MYOF: variants seen among roughly 807,000 people sequenced by gnomAD.
The protein encoded by MYOF is myoferlin, also known as fer-1-like 3, myoferlin.
MYOF carries 244 observed loss-of-function variants against 284.2 expected under a neutral mutation model. That is an observed-to-expected ratio of 0.86 (90% CI 0.77 to 0.95). The LOEUF (loss-of-function observed/expected upper bound fraction) is 0.95, where lower values mean the gene tolerates loss of function less well. MYOF is among the 40% of genes least tolerant of loss of function. MYOF has a pLI of 0.00. For synonymous variants in MYOF, 904 were observed against 919.7 expected (o/e 0.98, Z 0.31); for missense variants, 2,496 against 2,560.6 (o/e 0.97, Z 0.54).
At chr10:93,375,000 C>T (rs959619138) in intron 22 of MYOF, 45 bp from the exon 23 acceptor site, 1 of 1,566,580 alleles carries the variant, frequency 6.4e-7, no homozygotes, top group Non-Finnish European at 8.7e-7. Context: ...TGAAGAATAA[C>T]CTAATTTTAG....
chr10:93,361,420 G>T, intron 28 of MYOF, 32 bp downstream of exon 28: 1 of 1,601,092 alleles, frequency 6.2e-7, no homozygotes, highest in Non-Finnish European at 8.6e-7. Flanking sequence ...CTGCTGCAGA[G>T]CCCCAATCAG....
intron 38 of MYOF, among the ~76,000 whole-genome samples, chr10:93,342,134 T>A (rs534791973): frequency 2.0e-5 from 3 of 152,288 alleles, no homozygotes; most frequent in Admixed American, 2.0e-4. Flanking sequence ...ATGCCATGAG[T>A]TTCCGGAGTG....
chr10:93,359,840 G>C lies in MYOF; in HGVS notation c.3113C>G (p.Thr1038Ser), dbSNP rs1394366928. 1 of 1,614,190 alleles carries C rather than the reference G, an allele frequency of 6.2e-7. No homozygotes were observed. The highest frequency in any genetic ancestry group is 1.7e-5 in the Admixed American group (1 of 60,026). ...KKDLTQTASS[T>S]ARAMEELQDQ... is the part of the protein sequence containing the mutation. The stretch of plus-strand genomic sequence containing the variant: ...TTCCCTTGCTTCTCTTACCCTTGCG[G>C]TGCTTGAAGCAGTCTGTGTTAAATC... The change falls in exon 29 of 54, where the codon ACC (threonine) becomes AGC (serine). Residue 1038 changes from threonine (T) to serine (S), a missense_variant. Physicochemically the swap from Thr to Ser is moderately conservative, Grantham distance 58. Coordinates refer to ENST00000359263, the MANE Select transcript of MYOF (RefSeq NM_013451.4).
At chr10:93,458,614 C>T (rs1041778515) in intron 1 of MYOF, among the ~76,000 whole-genome samples, 1 of 152,082 alleles carries the variant, frequency 6.6e-6, no homozygotes, top group Non-Finnish European at 1.5e-5. Context: ...CCTATTATCC[C>T]AGCTACTCGG....
intron 24 of MYOF, 52 bp downstream of exon 24, chr10:93,372,878 A>G: frequency 6.3e-7 from 1 of 1,599,990 alleles, no homozygotes; most frequent in Non-Finnish European, 8.6e-7. Context: ...CCTTCTCAGG[A>G]ATACAGCTTT....
Position 93,431,505 on chromosome 10 carries a change from G to A in MYOF, c.248C>T (p.Thr83Met), listed in dbSNP as rs767261489. Reference sequence around the variant, plus strand: ...CAGGTCCTTCAGGGCTACAGTCGCCGTGCCAATTAATCTGCAGGGAAAACA... The same window carrying A: ...CAGGTCCTTCAGGGCTACAGTCGCCATGCCAATTAATCTGCAGGGAAAACA... ...ETIGQNKLIG[T>M]ATVALKDLTG... The change falls in exon 4 of 54, where the codon ACG becomes ATG. Residue 83 changes from threonine to methionine, a missense_variant. Coordinates refer to ENST00000359263, the MANE Select transcript of MYOF (RefSeq NM_013451.4). 1.9e-5 allele frequency: 30 copies of A among 1,613,448 alleles called. No individual in the cohort carries two copies. Among genetic ancestry groups the A allele is most frequent in the Middle Eastern group, 1.6e-4 (1 of 6,084 alleles).
At chr10:93,355,431 A>T (rs1406316626) in intron 31 of MYOF, among the ~76,000 whole-genome samples, 197 bp downstream of exon 31, 6 of 152,074 alleles carry the variant, frequency 3.9e-5, no homozygotes, top group Non-Finnish European at 8.8e-5. Context: ...GCAAAAATAC[A>T]AAAAATTAGC....
intron 1 of MYOF, among the ~76,000 whole-genome samples, chr10:93,466,550 G>A (rs1416130922): frequency 2.0e-5 from 3 of 152,220 alleles, no homozygotes; most frequent in South Asian, 2.1e-4. Context: ...TGATGCTGGG[G>A]CGTGGTCATG....
rs2134064447 is a variant in MYOF, at chr10:93,396,179, G to C, written c.1380C>G (p.His460Gln). ...KNDVVGTTYL[H>Q]LSKIAASGGE... The stretch of plus-strand genomic sequence containing the variant: ...CACCAGAGGCAGCAATTTTAGAGAG[G>C]TGTAGATATGTTGTTCCAACTACAT... The change falls in exon 16 of 54, where the codon CAC becomes CAG. Residue 460 changes from histidine to glutamine, a missense_variant. Physicochemically the swap from His to Gln is conservative, Grantham distance 24. Coordinates refer to ENST00000359263, the MANE Select transcript of MYOF (RefSeq NM_013451.4). 1.9e-6 allele frequency: 3 copies of C among 1,609,210 alleles called. No individual in the cohort carries two copies. The highest frequency in any genetic ancestry group is 1.1e-5 in the South Asian group (1 of 90,114).
intron 28 of MYOF, among the ~76,000 whole-genome samples, chr10:93,360,795 G>T (rs1377698502): frequency 1.3e-5 from 2 of 152,204 alleles, no homozygotes; most frequent in Non-Finnish European, 2.9e-5. Flanking sequence ...GGCCCTGAAT[G>T]TGATGTTCCC....
At position 93,333,275 on chromosome 10, in the gene MYOF, ACTT is replaced by A; in HGVS notation, c.4754_4756del (p.Lys1585_Val1586delinsIle). On this transcript the variant is annotated inframe_deletion, in exon 43 of 54. Coordinates refer to ENST00000359263, the MANE Select transcript of MYOF (RefSeq NM_013451.4). ...AATGTAGTGATCTCGGTCTTCAATGACTTTTTTGCCCAGTGTTATTTTTATGTA... is the reference window on the plus strand; with the variant it reads ...AATGTAGTGATCTCGGTCTTCAATGATTTTGCCCAGTGTTATTTTTATGTA... The A allele has an allele frequency of 6.2e-7, 1 of 1,613,558 alleles. No homozygotes were observed. Among genetic ancestry groups the A allele is most frequent in the Non-Finnish European group, 8.5e-7 (1 of 1,179,820 alleles).
chr10:93,428,607 AC>A (rs1472779288), intron 4 of MYOF, among the ~76,000 whole-genome samples: 16 of 126,828 alleles, frequency 1.3e-4, no homozygotes, highest in African/African-American at 4.5e-4. Flanking sequence ...ACACACACAC[AC>A]ACAGTGCATT....
intron 46 of MYOF, among the ~76,000 whole-genome samples, chr10:93,325,068 G>A (rs1380232521): frequency 6.6e-6 from 1 of 152,126 alleles, no homozygotes; most frequent in Non-Finnish European, 1.5e-5. Context: ...ATAAGCCACC[G>A]CACCCGGCCT....
intron 16 of MYOF, among the ~76,000 whole-genome samples, chr10:93,395,875 A>T (rs1395974335): frequency 1.3e-5 from 2 of 151,226 alleles, no homozygotes; most frequent in Non-Finnish European, 2.9e-5. Context: ...AAAGCTGAAA[A>T]TCTTCAAACT....
intron 11 of MYOF, 31 bp from the exon 12 acceptor site, chr10:93,401,575 T>C (rs1289843558): frequency 4.4e-6 from 7 of 1,607,638 alleles, no homozygotes; most frequent in Admixed American, 1.7e-5. Flanking sequence ...AAATTATACA[T>C]ACAGAAAAGC....
At chr10:93,450,820 C>A (rs1213445782) in intron 3 of MYOF, among the ~76,000 whole-genome samples, 2 of 151,946 alleles carry the variant, frequency 1.3e-5, no homozygotes, top group African/African-American at 4.9e-5. Flanking sequence ...ATGCTTCTTA[C>A]AATTGATGGG....
chr10:93,330,854 C>G (rs550725542), intron 43 of MYOF, among the ~76,000 whole-genome samples: 3 of 152,300 alleles, frequency 2.0e-5, no homozygotes, highest in South Asian at 4.1e-4. Context: ...GAGCAGAAAA[C>G]AGATGTGAGA....
In MYOF at chr10:93,423,758, T is replaced by G. The variant is rs534369068; in HGVS notation, c.433+2313A>C. On this transcript the variant is annotated intron_variant, in intron 5 of 53. Coordinates refer to ENST00000359263, the MANE Select transcript of MYOF (RefSeq NM_013451.4). ...TGAGGCAGAAGAATGGCGTGAACCC[T>G]GGAGGCGGAGCTTGCAGTGAGCCGA... is the stretch of plus-strand genomic sequence containing the variant. Among the ~76,000 whole-genome samples the G allele has an allele frequency of 8.7e-5, 13 of 149,952 alleles. 1 individual carries two copies. The highest frequency in any genetic ancestry group is 2.1e-4 in the South Asian group (1 of 4,746).
At chr10:93,341,801 T>A in intron 38 of MYOF, 2 of 618,952 alleles carry the variant, frequency 3.2e-6, no homozygotes, top group Non-Finnish European at 4.8e-6. Flanking sequence ...TGTTTAAAGA[T>A]CACTTTTCAC....
Sources: gnomAD v4.1 joint callset for allele counts (sites outside exome capture counted in the v4.1 genomes callset) on GRCh38, gnomAD v4.1.1 for gene constraint, MANE v1.5 for transcripts, NCBI Gene and HGNC (gene_info 2026-07-23, HGNC 2026-07-21) for gene names.